Variants in FGF14 observed in about 807,000 individuals in gnomAD.
FGF14 encodes the protein fibroblast growth factor homologous factor 4.
In FGF14, 5 loss-of-function variants were observed where a neutral mutation model predicts 25.5. The ratio of observed to expected loss-of-function variants is 0.20; its 90% CI spans 0.10 to 0.41. FGF14 has a LOEUF of 0.41. Ranked by LOEUF, FGF14 falls within the 10% of genes least tolerant of loss-of-function variation. FGF14 has a pLI of 1.00. For missense variants in FGF14, 222 were observed against 320.1 expected (o/e 0.69, Z 2.34); for synonymous variants, 138 against 118.3 (o/e 1.17, Z -1.08).
chr13:102,058,236 A>G (rs575474215), intron 1 of FGF14, among the ~76,000 whole-genome samples: 1 of 152,344 alleles, frequency 6.6e-6, no homozygotes, highest in East Asian at 1.9e-4. Flanking sequence ...TACCGAAAAA[A>G]GGATTATTTT....
rs533799262 is a variant in FGF14, at chr13:101,872,661, G to A, written c.304+2525C>T. ...TCCATTACTTTTATAAATCTGCTACGATTCTGCCAATTGTATTAAATTTTA... is the reference window on the plus strand; with the variant it reads ...TCCATTACTTTTATAAATCTGCTACAATTCTGCCAATTGTATTAAATTTTA... On this transcript the variant is annotated intron_variant, in intron 2 of 4. Coordinates refer to ENST00000376143, the MANE Select transcript of FGF14 (RefSeq NM_004115.4). Among the ~76,000 whole-genome samples the A allele has an allele frequency of 2.9e-3, 447 of 152,156 alleles. 3 individuals carry two copies. Among genetic ancestry groups the A allele is most frequent in the Non-Finnish European group, 4.8e-3 (323 of 67,984 alleles).
chr13:102,275,235 T>C (rs1175935160), intron 1 of FGF14, among the ~76,000 whole-genome samples: 1 of 57,342 alleles, frequency 1.7e-5, no homozygotes, highest in African/African-American at 9.0e-5. Context: ...TAGGCAGATT[T>C]CTCTCTCTCT....
chr13:101,797,150 G>A (rs903521495), intron 3 of FGF14, among the ~76,000 whole-genome samples: 6 of 152,244 alleles, frequency 3.9e-5, no homozygotes, highest in Middle Eastern at 3.4e-3. Context: ...CACAGTTGTT[G>A]TTTCTTTGTA....
chr13:102,297,357 A>G lies in FGF14; in HGVS notation c.208+104114T>C, dbSNP rs369011913. 7.2e-5 allele frequency among the ~76,000 whole-genome samples: 11 copies of G among 152,292 alleles called. No homozygotes were observed. The East Asian group carries it at 1.9e-3, about 27-fold the overall frequency. ...ACGACTCAATGTAACATGGTATCTT[A>G]TATGGAAAACTGGAACAGGAAAAGG... On this transcript the variant is annotated intron_variant, in intron 1 of 4. Transcript: ENST00000376131.
At chr13:101,746,708 C>T (rs548861379) in intron 3 of FGF14, among the ~76,000 whole-genome samples, 2 of 151,924 alleles carry the variant, frequency 1.3e-5, no homozygotes, top group African/African-American at 4.8e-5. Flanking sequence ...TTTATCAATG[C>T]CAGGAGTGTG....
At chr13:101,874,983 T>A (rs2045315959) in intron 2 of FGF14, among the ~76,000 whole-genome samples, 1 of 152,292 alleles carries the variant, frequency 6.6e-6, no homozygotes, top group African/African-American at 2.4e-5. Context: ...ATAATCATCT[T>A]TAAACCATAG....
chr13:101,868,759 A>G lies in FGF14; in HGVS notation c.374T>C (p.Ile125Thr). ...GAGGTAACCTTCTCCATTCATGGCT[A>G]TATACAACCCTGTTTTCACTCCCTG... Reference protein sequence around the residue: ...AIQGVKTGLYIAMNGEGYLYP... With the variant: ...AIQGVKTGLYTAMNGEGYLYP... The change falls in exon 3 of 5, where the codon ATA (isoleucine) becomes ACA (threonine). Residue 125 changes from isoleucine (I) to threonine (T), a missense_variant. By Grantham distance (89) the Ile-to-Thr change is moderately conservative. Around this residue, in one of 5 missense-constraint regions of FGF14, gnomAD observed 50 missense variants for 75.2 expected, o/e 0.66. Transcript: ENST00000376143. 1 of 1,613,420 alleles carries G rather than the reference A, an allele frequency of 6.2e-7. No homozygotes were observed. The highest frequency in any genetic ancestry group is 2.2e-5 in the East Asian group (1 of 44,842).
In FGF14 at chr13:101,916,706, C is replaced by T. The variant is rs1424220439; in HGVS notation, c.-61G>A. On this transcript the variant is annotated 5_prime_UTR_variant, in exon 1 of 5. Transcript: ENST00000376143. ...CGGGAGGACGGCGAGCCGGGGGCAC[C>T]GGAGGGGAAGGCGGCGGCGCAGACC... is the stretch of plus-strand genomic sequence containing the variant. The T allele has an allele frequency of 2.7e-5, 38 of 1,403,024 alleles. No individual in the cohort carries two copies. Among genetic ancestry groups the T allele is most frequent in the Non-Finnish European group, 3.5e-5 (37 of 1,062,806 alleles). The allele number at this position is 1,403,024 out of a possible 1,614,324, so 86.9% of individuals were successfully genotyped here.
intron 3 of FGF14, among the ~76,000 whole-genome samples, chr13:101,753,158 C>T (rs1363187126): frequency 6.6e-6 from 1 of 151,960 alleles, no homozygotes; most frequent in Non-Finnish European, 1.5e-5. Flanking sequence ...CTTTCTCTTG[C>T]AACATTTTAA....
intron 1 of FGF14, among the ~76,000 whole-genome samples, chr13:102,397,013 T>C (rs539152754): frequency 1.2e-4 from 19 of 152,308 alleles, no homozygotes; most frequent in African/African-American, 4.3e-4. Flanking sequence ...GTTCCAGACG[T>C]GCAGTCTGAA....
intron 1 of FGF14, among the ~76,000 whole-genome samples, chr13:102,273,224 A>G (rs2053341067): frequency 2.0e-5 from 3 of 152,194 alleles, no homozygotes; most frequent in Admixed American, 2.0e-4. Context: ...CAGGGACACT[A>G]AAAAATAGAC....
At chr13:102,160,586 G>A (rs566326706) in intron 1 of FGF14, among the ~76,000 whole-genome samples, 3 of 152,004 alleles carry the variant, frequency 2.0e-5, no homozygotes, top group East Asian at 1.9e-4. Context: ...GGCAGATATC[G>A]TATGCCTGAC....
At chr13:101,757,617 C>T (rs1336674561) in intron 3 of FGF14, among the ~76,000 whole-genome samples, 1 of 152,184 alleles carries the variant, frequency 6.6e-6, no homozygotes, top group African/African-American at 2.4e-5. Context: ...ACTTTATATG[C>T]ACCCTGATTT....
At position 102,138,660 on chromosome 13, in the gene FGF14, G is replaced by A. The variant is rs552856839; in HGVS notation, c.208+262811C>T. ...CAGTCCATCCAATGCCTCAGCCACC[G>A]AGGAGGCCCTCAGTGTCCTGAACAG... On this transcript the variant is annotated intron_variant, in intron 1 of 4. Transcript: ENST00000376131. Among the ~76,000 whole-genome samples the A allele has an allele frequency of 2.8e-3, 422 of 151,876 alleles. 4 individuals carry two copies. The highest frequency in any genetic ancestry group is 8.6e-3 in the African/African-American group (356 of 41,398).
chr13:101,985,671 C>A (rs531411317), intron 1 of FGF14, among the ~76,000 whole-genome samples: 108 of 152,144 alleles, frequency 7.1e-4, no homozygotes, highest in African/African-American at 2.3e-3. Flanking sequence ...TCATCTTTAT[C>A]TCTCGCTCTT....
chr13:101,956,479 A>G (rs2036521679), intron 1 of FGF14, among the ~76,000 whole-genome samples: 1 of 152,170 alleles, frequency 6.6e-6, no homozygotes, highest in Non-Finnish European at 1.5e-5. Flanking sequence ...CCTGGAATGT[A>G]TCGGGAGACT....
chr13:102,288,480 A>G (rs1158999587), intron 1 of FGF14, among the ~76,000 whole-genome samples: 1 of 152,188 alleles, frequency 6.6e-6, no homozygotes, highest in Non-Finnish European at 1.5e-5. Context: ...TCATGACACA[A>G]AAGTATCCAC....
At chr13:101,942,017 T>C (rs1393680039) in intron 1 of FGF14, among the ~76,000 whole-genome samples, 1 of 152,242 alleles carries the variant, frequency 6.6e-6, no homozygotes, top group Admixed American at 6.5e-5. Flanking sequence ...TGTTGTTTTC[T>C]TAGGTTTAGA....
At chr13:102,278,082 C>T (rs975123324) in intron 1 of FGF14, among the ~76,000 whole-genome samples, 2 of 152,146 alleles carry the variant, frequency 1.3e-5, no homozygotes, top group African/African-American at 4.8e-5. Context: ...TACTATTCAA[C>T]GGAAGTGGCT....
Sources: gnomAD v4.1 joint callset for allele counts (sites outside exome capture counted in the v4.1 genomes callset) on GRCh38, gnomAD v4.1.1 for gene constraint, gnomAD v4.1.1 regional missense constraint, MANE v1.5 for transcripts, NCBI Gene and HGNC (gene_info 2026-07-23, HGNC 2026-07-21) for gene names.